The following GBE1 variants were observed in gnomAD, a reference collection of about 807,000 sequenced individuals.
GBE1 encodes 1,4-alpha-glucan branching enzyme 1.
GBE1 carries 70 observed loss-of-function variants against 88.8 expected under a neutral mutation model. The ratio of observed to expected loss-of-function variants is 0.79; its 90% confidence interval spans 0.65 to 0.96. GBE1 has a LOEUF of 0.96. GBE1 is among the 40% of genes least tolerant of loss of function. The pLI is 0.00. For missense variants in GBE1, 872 were observed against 871.0 expected, an observed-to-expected ratio of 1.00 and a Z score of -0.01; for synonymous variants, 284 against 300.1, an observed-to-expected ratio of 0.95 and a Z score of 0.56.
At chr3:81,738,255 TG>T (rs1706297955) in intron 1 of GBE1, among the ~76,000 whole-genome samples, 1 of 151,338 alleles carries the variant, frequency 6.6e-6, no homozygotes, top group Admixed American at 6.6e-5. Flanking sequence ...TATAGTCCTT[TG>T]GGTATATACC....
intron 1 of GBE1, among the ~76,000 whole-genome samples, chr3:81,725,152 T>G (rs1706090722): frequency 6.6e-6 from 1 of 152,188 alleles, no homozygotes; most frequent in Non-Finnish European, 1.5e-5. Flanking sequence ...AAATTTATAT[T>G]TAAACATTTT....
At chr3:81,719,217 G>A (rs745341479) in intron 1 of GBE1, among the ~76,000 whole-genome samples, 11 of 151,878 alleles carry the variant, frequency 7.2e-5, no homozygotes, top group East Asian at 1.9e-4. Context: ...TTTTTTGTTC[G>A]TTTGGTTGGT....
chr3:81,665,237 G>A (rs1559680968), intron 3 of GBE1, among the ~76,000 whole-genome samples: 1 of 152,024 alleles, frequency 6.6e-6, no homozygotes, highest in Non-Finnish European at 1.5e-5. Flanking sequence ...ATTGATGTTA[G>A]ACATGAGATT....
intron 3 of GBE1, among the ~76,000 whole-genome samples, chr3:81,655,222 T>G (rs1704916390): frequency 6.6e-6 from 1 of 152,150 alleles, no homozygotes. Flanking sequence ...TAATTGTTAT[T>G]TTTAGTAGAG....
chr3:81,573,775 C>CTCTCTG (rs537918861), intron 12 of GBE1, among the ~76,000 whole-genome samples: 1 of 148,788 alleles, frequency 6.7e-6, no homozygotes, highest in Non-Finnish European at 1.5e-5. Context: ...CTCTCTCTCT[C>CTCTCTG]TGTGTGTGTG....
At chr3:81,612,093 G>A (rs1235683697) in intron 7 of GBE1, 7 of 260,318 alleles carry the variant, frequency 2.7e-5, no homozygotes, top group South Asian at 1.1e-4. Flanking sequence ...GTTTAAGAGC[G>A]CAAACTTTCA....
intron 1 of GBE1, among the ~76,000 whole-genome samples, chr3:81,740,282 T>A (rs2107218133): frequency 8.5e-6 from 1 of 117,480 alleles, no homozygotes; most frequent in South Asian, 2.5e-4. Flanking sequence ...TTATTTATTA[T>A]TTAATCTATT....
At chr3:81,677,797 T>C (rs1344641456) in intron 2 of GBE1, among the ~76,000 whole-genome samples, 4 of 152,156 alleles carry the variant, frequency 2.6e-5, no homozygotes, top group Non-Finnish European at 5.9e-5. Context: ...AGGACCTTAG[T>C]AAGACACTTC....
chr3:81,753,353 CAA>C (rs568757239), intron 1 of GBE1, among the ~76,000 whole-genome samples: 54 of 152,216 alleles, frequency 3.5e-4, no homozygotes, highest in Non-Finnish European at 7.2e-4. Context: ...GCTCACTTTA[CAA>C]TGAAAGGTAC....
chr3:81,581,351 T>C (rs559835983), intron 10 of GBE1, 76 bp from the exon 11 acceptor site: 7 of 815,618 alleles, frequency 8.6e-6, no homozygotes, highest in South Asian at 8.4e-5. Context: ...TCTGAAGTTA[T>C]GCATTATATC....
chr3:81,492,603 ATCTTTCTT>A (rs1045072610), intron 15 of GBE1, among the ~76,000 whole-genome samples: 1 of 151,708 alleles, frequency 6.6e-6, no homozygotes, highest in Non-Finnish European at 1.5e-5. Flanking sequence ...TCTAGTCTAC[ATCTTTCTT>A]TCTTTCTTTC....
intron 15 of GBE1, 92 bp from the exon 16 acceptor site, chr3:81,490,555 ATCTGCC>A: frequency 1.0e-6 from 1 of 1,001,538 alleles, no homozygotes; most frequent in South Asian, 1.4e-5. Context: ...GCAGTCTCAC[ATCTGCC>A]TAAAGTTACA....
chr3:81,747,892 T>G (rs9821222), intron 1 of GBE1, among the ~76,000 whole-genome samples: 19,013 of 152,226 alleles, frequency 0.12, 1,341 homozygotes, highest in Non-Finnish European at 0.17. Flanking sequence ...TGACTCTCTT[T>G]TCGGACTCAG....
At chr3:81,735,829 T>A (rs1220608160) in intron 1 of GBE1, among the ~76,000 whole-genome samples, 1 of 152,120 alleles carries the variant, frequency 6.6e-6, no homozygotes, top group East Asian at 1.9e-4. Flanking sequence ...AAATGTCAAG[T>A]TTCTACTCCA....
At chr3:81,639,660 C>A (rs948303282) in intron 7 of GBE1, among the ~76,000 whole-genome samples, 2 of 152,128 alleles carry the variant, frequency 1.3e-5, no homozygotes. Context: ...TGGCACTCTG[C>A]CATGTTCTAA....
In GBE1 at chr3:81,707,993, C is replaced by T. The variant is rs1052781279; in HGVS notation, c.144-2380G>A. ...TTTCTCTGTTGCATTGTTCTAATCA[C>T]GTATAACAAATAACTACCATTTTAA... is the stretch of plus-strand genomic sequence containing the variant. On this transcript the variant is annotated intron_variant, in intron 1 of 15. Transcript: ENST00000429644. Among the ~76,000 whole-genome samples, 7 of 151,962 alleles carry T rather than the reference C, an allele frequency of 4.6e-5. No homozygotes were observed. In the East Asian group the frequency reaches 5.8e-4, roughly 13 times the overall value.
At chr3:81,701,603 C>T (rs1705687347) in intron 2 of GBE1, among the ~76,000 whole-genome samples, 1 of 151,820 alleles carries the variant, frequency 6.6e-6, no homozygotes, top group African/African-American at 2.4e-5. Flanking sequence ...GTACCTAGAG[C>T]AAACCAGTCA....
chr3:81,724,660 A>T (rs967555892), intron 1 of GBE1, among the ~76,000 whole-genome samples: 1 of 152,228 alleles, frequency 6.6e-6, no homozygotes, highest in Non-Finnish European at 1.5e-5. Flanking sequence ...ACAAACAGTG[A>T]TTTAATGATT....
chr3:81,706,918 ATAAT>A (rs1705784450), intron 1 of GBE1, among the ~76,000 whole-genome samples: 1 of 152,070 alleles, frequency 6.6e-6, no homozygotes, highest in Non-Finnish European at 1.5e-5. Context: ...AAATGAATAA[ATAAT>A]TGAGAATTGA....
Sources: allele counts gnomAD v4.1 joint callset (sites outside exome capture counted in the v4.1 genomes callset), GRCh38; gene constraint gnomAD v4.1.1; transcripts MANE v1.5; gene names NCBI Gene and HGNC (gene_info 2026-07-23, HGNC 2026-07-21).